Variants in APH1B observed in about 807,000 individuals in gnomAD.
APH1B encodes aph-1B gamma-secretase subunit.
A neutral mutation model predicts 28.2 loss-of-function variants in APH1B; 27 were observed. That is an observed-to-expected ratio of 0.96 (90% confidence interval 0.70 to 1.32). The LOEUF is 1.32. APH1B is among the 40% of genes most tolerant of loss of function. The probability of loss-of-function intolerance (pLI) is 0.00; values close to 1 mark genes in which losing one functional copy is unlikely to be tolerated. For synonymous variants in APH1B, 141 were observed against 124.6 expected (o/e 1.13, Z -0.88); for missense variants, 305 against 313.6 (o/e 0.97, Z 0.21).
chr15:63,305,405 C>G (rs1031428120), intron 5 of APH1B, among the ~76,000 whole-genome samples: 1 of 152,190 alleles, frequency 6.6e-6, no homozygotes, highest in Non-Finnish European at 1.5e-5. Context: ...GGGTTACCAT[C>G]TGAATACAGC....
intron 2 of APH1B, among the ~76,000 whole-genome samples, chr15:63,282,660 A>T (rs1221733924): frequency 6.6e-6 from 1 of 152,218 alleles, no homozygotes; most frequent in Non-Finnish European, 1.5e-5. Flanking sequence ...CCTAAAACAG[A>T]CATTAGGATT....
intron 2 of APH1B, among the ~76,000 whole-genome samples, chr15:63,284,135 T>C (rs2038420030): frequency 1.3e-5 from 2 of 152,226 alleles, no homozygotes; most frequent in African/African-American, 4.8e-5. Context: ...TTTAACTTTG[T>C]TGTTGTTTTT....
chr15:63,293,295 G>C (rs1348973796), intron 4 of APH1B, among the ~76,000 whole-genome samples: 1 of 150,872 alleles, frequency 6.6e-6, no homozygotes, highest in Admixed American at 6.6e-5. Flanking sequence ...CTCCCCAGTA[G>C]CTGGGACTAC....
intron 2 of APH1B, among the ~76,000 whole-genome samples, chr15:63,280,968 G>T (rs2038379910): frequency 6.6e-6 from 1 of 152,074 alleles, no homozygotes; most frequent in African/African-American, 2.4e-5. Flanking sequence ...GGGCAACATG[G>T]CAAAACCCTG....
chr15:63,287,263 AT>A, intron 3 of APH1B, 160 bp from the exon 4 acceptor site: 1 of 847,224 alleles, frequency 1.2e-6, no homozygotes, highest in Non-Finnish European at 1.8e-6. Flanking sequence ...CTGATTCATC[AT>A]TTAGCCAAGC....
At chr15:63,299,804 G>T (rs768614357) in intron 4 of APH1B, among the ~76,000 whole-genome samples, 2 of 151,894 alleles carry the variant, frequency 1.3e-5, no homozygotes, top group South Asian at 2.1e-4. Context: ...AGTATTGGTC[G>T]CAAAGAAAGA....
intron 4 of APH1B, among the ~76,000 whole-genome samples, chr15:63,290,589 A>G (rs936737074): frequency 6.6e-6 from 1 of 152,272 alleles, no homozygotes; most frequent in Non-Finnish European, 1.5e-5. Flanking sequence ...GATCAATGCT[A>G]CAGTGAAATG....
chr15:63,293,510 T>C (rs2038528410), intron 4 of APH1B, among the ~76,000 whole-genome samples: 1 of 150,794 alleles, frequency 6.6e-6, no homozygotes, highest in African/African-American at 2.4e-5. Flanking sequence ...TTTTTTTTTT[T>C]TTCTTGAGAC....
intron 4 of APH1B, among the ~76,000 whole-genome samples, chr15:63,288,142 G>A (rs1207748146): frequency 2.6e-5 from 4 of 152,138 alleles, no homozygotes; most frequent in Admixed American, 1.3e-4. Context: ...TTTAAAAATA[G>A]GGGGAGAACA....
In APH1B at chr15:63,307,389, T is replaced by G. The variant is rs990575565; in HGVS notation, c.*1608T>G. 19 of 152,086 alleles carry G rather than the reference T, an allele frequency of 1.2e-4. No homozygotes were observed. Among genetic ancestry groups the G allele is most frequent in the Non-Finnish European group, 1.0e-4 (7 of 68,004 alleles). The allele number at this position is 152,086 out of a possible 1,614,324, so 9.4% of individuals were successfully genotyped here. ...AGAGATAAAATAGAGATAATAGAGA[T>G]AAAAGAAGAGGAGGGCTTCTATCAA... is the stretch of plus-strand genomic sequence containing the variant. On this transcript the variant is annotated 3_prime_UTR_variant, in exon 6 of 6. Transcript: ENST00000261879.
At chr15:63,283,259 C>T (rs1351029890) in intron 2 of APH1B, among the ~76,000 whole-genome samples, 3 of 152,196 alleles carry the variant, frequency 2.0e-5, no homozygotes, top group African/African-American at 4.8e-5. Context: ...GACACAGTCT[C>T]GCTCTGTCAC....
intron 1 of APH1B, chr15:63,277,978 A>G: frequency 1.8e-6 from 1 of 553,750 alleles, no homozygotes; most frequent in Non-Finnish European, 3.2e-6. Context: ...GTGATCCGTG[A>G]AGCTACTAAA....
At position 63,302,476 on chromosome 15, in the gene APH1B, A is replaced by G. The variant is rs763219758; in HGVS notation, c.606+4A>G. The G allele has an allele frequency of 6.2e-7, 1 of 1,612,574 alleles. No individual in the cohort carries two copies. The highest frequency in any genetic ancestry group is 1.1e-5 in the South Asian group (1 of 90,782). On this transcript the variant is annotated splice_donor_region_variant and intron_variant, in intron 5 of 5. Coordinates refer to ENST00000261879, the MANE Select transcript of APH1B (RefSeq NM_031301.4). Reference sequence around the variant, plus strand: ...CCACCTGCTGGTGTCAGCCCAGGTGAGTGTTGCCGCCATGCTCAGACTGTA... The same window carrying G: ...CCACCTGCTGGTGTCAGCCCAGGTGGGTGTTGCCGCCATGCTCAGACTGTA...
At position 63,287,472 on chromosome 15, in the gene APH1B, A is replaced by C; in HGVS notation, c.404A>C (p.Asn135Thr). The C allele has an allele frequency of 6.2e-7, 1 of 1,614,058 alleles. No individual in the cohort carries two copies. The highest frequency in any genetic ancestry group is 1.1e-5 in the South Asian group (1 of 91,080). The stretch of plus-strand genomic sequence containing the variant: ...ATGAGTGGAGTATTTTCCTTTGTGA[A>C]TACCCTATCTGACTCCTTGGGGCCA... ...GIMSGVFSFV[N>T]TLSDSLGPGT... The change falls in exon 4 of 6, where the codon AAT (asparagine) becomes ACT (threonine). Residue 135 changes from asparagine (N) to threonine (T), a missense_variant. Transcript: ENST00000261879.
intron 5 of APH1B, 63 bp from the exon 6 acceptor site, chr15:63,305,551 G>A: frequency 6.4e-7 from 1 of 1,563,532 alleles, no homozygotes; most frequent in Non-Finnish European, 8.8e-7. Flanking sequence ...TTTATCTTTG[G>A]TTATTCCACA....
In APH1B at chr15:63,304,741, A is replaced by G. The variant is rs1167720114; in HGVS notation, c.607-873A>G. Among the ~76,000 whole-genome samples the G allele has an allele frequency of 1.3e-5, 2 of 152,144 alleles. No individual in the cohort carries two copies. The highest frequency in any genetic ancestry group is 4.8e-5 in the African/African-American group (2 of 41,428). ...CATGTATTGCTTTTGTAATTGTTTA[A>G]AAGAGGAAAAATGTTTTTTAAAGAA... is the stretch of plus-strand genomic sequence containing the variant. On this transcript the variant is annotated intron_variant, in intron 5 of 5. Transcript: ENST00000261879. The surrounding 1 kb of genome is among the most constrained non-coding windows in gnomAD (Gnocchi z 5.1).
In APH1B at chr15:63,277,631, C is replaced by A; in HGVS notation, c.8C>A (p.Ala3Glu). 2 of 1,587,126 alleles carry A rather than the reference C, an allele frequency of 1.3e-6. No homozygotes were observed. Among genetic ancestry groups the A allele is most frequent in the Non-Finnish European group, 1.7e-6 (2 of 1,167,428 alleles). MT[A>E]AVFFGCAFIA... Reference sequence around the variant, plus strand: ...TCGGTTTCCGCGGTGGCCATGACTGCGGCCGTGTTCTTCGGCTGCGCCTTC... The same window carrying A: ...TCGGTTTCCGCGGTGGCCATGACTGAGGCCGTGTTCTTCGGCTGCGCCTTC... The change falls in exon 1 of 6, where the codon GCG (alanine) becomes GAG (glutamate). Residue 3 changes from alanine to glutamate, a missense_variant. By Grantham distance (107) the Ala-to-Glu change is moderately radical. Transcript: ENST00000261879.
In APH1B at chr15:63,287,496, C is replaced by A; in HGVS notation, c.428C>A (p.Pro143Gln). 1 of 1,613,982 alleles carries A rather than the reference C, an allele frequency of 6.2e-7. No homozygotes were observed. The highest frequency in any genetic ancestry group is 8.5e-7 in the Non-Finnish European group (1 of 1,179,894). The change falls in exon 4 of 6, where the codon CCA becomes CAA. Residue 143 changes from proline to glutamine, a missense_variant. Transcript: ENST00000261879. ...FVNTLSDSLG[P>Q]GTVGIHGDSP... Reference sequence around the variant, plus strand: ...AATACCCTATCTGACTCCTTGGGGCCAGGCACAGTGGGCATTCATGGAGAT... The same window carrying A: ...AATACCCTATCTGACTCCTTGGGGCAAGGCACAGTGGGCATTCATGGAGAT...
At chr15:63,291,941 A>G (rs974634193) in intron 4 of APH1B, 1 of 152,366 alleles carries the variant, frequency 6.6e-6, no homozygotes, top group African/African-American at 2.4e-5. Context: ...AGCTTGCAGC[A>G]GAGTTTTCCA....
Sources: gnomAD v4.1 joint callset for allele counts (sites outside exome capture counted in the v4.1 genomes callset) on GRCh38, gnomAD v4.1.1 for gene constraint, Gnocchi (gnomAD v3.1) non-coding constraint, MANE v1.5 for transcripts, NCBI Gene and HGNC (gene_info 2026-07-23, HGNC 2026-07-21) for gene names.